The following RAD54L2 variants were observed in gnomAD, a reference collection of about 807,000 sequenced individuals.
RAD54L2 encodes the protein RAD54 like 2, also known as helicase ARIP4.
RAD54L2 carries 27 observed loss-of-function variants against 138.4 expected under a neutral mutation model. The observed-to-expected ratio is 0.20, with a 90% CI of 0.14 to 0.27. The LOEUF is 0.27. RAD54L2 is among the 10% of genes least tolerant of loss of function. The probability of loss-of-function intolerance (pLI) is 1.00; values close to 1 mark genes in which losing one functional copy is unlikely to be tolerated. For missense variants in RAD54L2, 1,396 were observed against 1,890.2 expected, an observed-to-expected ratio of 0.74 and a Z score of 4.85; for synonymous variants, 644 against 723.2, an observed-to-expected ratio of 0.89 and a Z score of 1.76.
At chr3:51,628,171 C>T (rs181968840) in intron 4 of RAD54L2, among the ~76,000 whole-genome samples, 1 of 152,142 alleles carries the variant, frequency 6.6e-6, no homozygotes, top group Non-Finnish European at 1.5e-5. Context: ...AAGCAAGACT[C>T]CTTCTAAGAG....
At position 51,630,283 on chromosome 3, in the gene RAD54L2, T is replaced by C; in HGVS notation, c.493T>C (p.Leu165=). ...TTTGCTTTTCCTAGAGGAAATTGCT[T>C]TAAGGGCAAGTGACGGTCCCCAACT... is the stretch of plus-strand genomic sequence containing the variant. ...PLEFLPEEIA[L]RASDGPQLPP... Residue 165 remains leucine, a synonymous_variant, in exon 6 of 23, where the codon TTA becomes CTA. Transcript: ENST00000684192. 6.2e-7 allele frequency: 1 copy of C among 1,613,932 alleles called. No individual in the cohort carries two copies. Among genetic ancestry groups the C allele is most frequent in the Non-Finnish European group, 8.5e-7 (1 of 1,179,832 alleles).
chr3:51,639,274 G>A (rs1318903489), intron 12 of RAD54L2, 145 bp from the exon 13 acceptor site: 3 of 947,126 alleles, frequency 3.2e-6, no homozygotes, highest in African/African-American at 3.3e-5. Context: ...CCCTTTGGCT[G>A]TGAAGGGCTC....
Position 51,549,538 on chromosome 3 carries a change from CGGGGCGGTGGAGGGA to C in RAD54L2, c.-55+7889_-55+7903del, listed in dbSNP as rs1331826632. ...CCACTTTGGCAGGCCGAGGCCAGGG[CGGGGCGGTGGAGGGA>C]AATCACCTGAGGTCAGGAGTTGGAG... is the stretch of plus-strand genomic sequence containing the variant. On this transcript the variant is annotated intron_variant, in intron 2 of 22. Transcript: ENST00000684192. 1.1e-4 allele frequency among the ~76,000 whole-genome samples: 17 copies of C among 151,352 alleles called. No individual in the cohort carries two copies. The East Asian group carries it at 3.4e-3, about 30-fold the overall frequency.
intron 19 of RAD54L2, among the ~76,000 whole-genome samples, chr3:51,655,629 C>G (rs530000631): frequency 6.5e-4 from 99 of 152,218 alleles, no homozygotes; most frequent in Non-Finnish European, 1.1e-3. Flanking sequence ...CTTATTGCAT[C>G]TTGACAGCTT....
At chr3:51,562,195 C>T (rs1577389694) in intron 2 of RAD54L2, among the ~76,000 whole-genome samples, 1 of 151,804 alleles carries the variant, frequency 6.6e-6, no homozygotes. Context: ...GCCACCACAC[C>T]CAGCTAATTT....
chr3:51,552,822 A>G (rs1273435411), intron 2 of RAD54L2, among the ~76,000 whole-genome samples: 3 of 152,066 alleles, frequency 2.0e-5, no homozygotes, highest in African/African-American at 7.2e-5. Context: ...GGCCTCCCCA[A>G]GTGTTGGGAT....
At chr3:51,566,466 GT>G (rs71084149) in intron 2 of RAD54L2, among the ~76,000 whole-genome samples, 49 of 31,530 alleles carry the variant, frequency 1.6e-3, no homozygotes, top group East Asian at 4.3e-3. Context: ...CCTTTTCTGC[GT>G]TTTTTTTTTT....
intron 3 of RAD54L2, among the ~76,000 whole-genome samples, chr3:51,596,900 C>T (rs974772039): frequency 1.3e-5 from 2 of 152,186 alleles, no homozygotes; most frequent in Non-Finnish European, 2.9e-5. Context: ...TGCAGTGGCT[C>T]ACGCCTATAA....
intron 7 of RAD54L2, among the ~76,000 whole-genome samples, chr3:51,632,202 C>G (rs1417698298): frequency 6.6e-6 from 1 of 152,214 alleles, no homozygotes; most frequent in Non-Finnish European, 1.5e-5. Context: ...ATAGGCACCA[C>G]ATTTTCTTTA....
At chr3:51,641,067 A>T (rs1701121512) in intron 14 of RAD54L2, among the ~76,000 whole-genome samples, 1 of 151,350 alleles carries the variant, frequency 6.6e-6, no homozygotes, top group African/African-American at 2.4e-5. Flanking sequence ...CAGTGGTGTG[A>T]TCTTGGCTCA....
At chr3:51,572,919 T>C (rs984585911) in intron 2 of RAD54L2, among the ~76,000 whole-genome samples, 2 of 152,052 alleles carry the variant, frequency 1.3e-5, no homozygotes, top group Non-Finnish European at 2.9e-5. Context: ...ATTACAGGTA[T>C]GAGCCACTGT....
rs1364931388 is a variant in RAD54L2 at position 51,646,501 on chromosome 3, G to A, written c.3026+20G>A. On this transcript the variant is annotated intron_variant, in intron 19 of 22. Coordinates refer to ENST00000684192, the MANE Select transcript of RAD54L2 (RefSeq NM_015106.4). ...AAACTGGTGAGTTGCTGAAAGGGGA[G>A]GGTCTGCTGCTGGGCCAGGCACAAA... 4 of 1,586,144 alleles carry A rather than the reference G, an allele frequency of 2.5e-6. No individual in the cohort carries two copies. Among genetic ancestry groups the A allele is most frequent in the African/African-American group, 2.7e-5 (2 of 73,920 alleles).
Position 51,639,519 on chromosome 3 carries a change from G to C in RAD54L2, c.1961G>C (p.Ser654Thr), listed in dbSNP as rs774464525. 4 of 1,613,910 alleles carry C rather than the reference G, an allele frequency of 2.5e-6. No individual in the cohort carries two copies. Among genetic ancestry groups the C allele is most frequent in the Non-Finnish European group, 2.5e-6 (3 of 1,179,906 alleles). ...GAAGAACTTGGCTCTGCAGGGACCA[G>C]TGCCCGCTGTCCACCACAGGGAACA... Reference protein sequence around the residue: ...DVEELGSAGTSARCPPQGTKG... With the variant: ...DVEELGSAGTTARCPPQGTKG... Residue 654 changes from serine to threonine, a missense_variant, in exon 13 of 23, where the codon AGT (serine) becomes ACT (threonine). Ser to Thr is a moderately conservative substitution (Grantham distance 58). Around this residue, in one of 7 missense-constraint regions of RAD54L2, gnomAD observed 211 missense variants for 273.8 expected, o/e 0.77. Coordinates refer to ENST00000684192, the MANE Select transcript of RAD54L2 (RefSeq NM_015106.4).
chr3:51,601,466 C>A (rs1014435356), intron 3 of RAD54L2, among the ~76,000 whole-genome samples: 1 of 151,814 alleles, frequency 6.6e-6, no homozygotes, highest in African/African-American at 2.4e-5. Context: ...TGCCACCACG[C>A]CCTGCTAATT....
chr3:51,658,302 G>T (rs1701661472), intron 21 of RAD54L2, among the ~76,000 whole-genome samples: 1 of 152,140 alleles, frequency 6.6e-6, no homozygotes, highest in South Asian at 2.1e-4. Flanking sequence ...TGGAGGGAAA[G>T]AGCGGTGGAA....
At chr3:51,596,519 G>GT (rs1330723418) in intron 3 of RAD54L2, among the ~76,000 whole-genome samples, 1 of 152,038 alleles carries the variant, frequency 6.6e-6, no homozygotes, top group Non-Finnish European at 1.5e-5. Flanking sequence ...AGAGCTTCAT[G>GT]TTTCTTATTC....
Position 51,590,395 on chromosome 3 carries a change from A to G in RAD54L2, c.-26A>G. 2.0e-6 allele frequency: 3 copies of G among 1,503,724 alleles called. No individual in the cohort carries two copies. The highest frequency in any genetic ancestry group is 2.7e-6 in the Non-Finnish European group (3 of 1,121,896). 93.1% of individuals were successfully genotyped at this position (1,503,724 alleles called of 1,614,324 possible). A position where few individuals can be genotyped will look rare whatever the true frequency, so the allele number is the denominator to read the frequency against. ...CCCTGCAGTGGACCATGAGTCGGTA[A>G]TGCCCACTGAGGACCTCTGGGAGCC... On this transcript the variant is annotated 5_prime_UTR_variant, in exon 3 of 23. The change abolishes an upstream ATG in the 5' untranslated region. Transcript: ENST00000684192.
chr3:51,566,849 A>T (rs1323643015), intron 2 of RAD54L2, among the ~76,000 whole-genome samples: 1 of 152,072 alleles, frequency 6.6e-6, no homozygotes, highest in Non-Finnish European at 1.5e-5. Context: ...AATTTCTTGG[A>T]CAGTGTAGGT....
chr3:51,599,745 C>CAA (rs34126564), intron 3 of RAD54L2, among the ~76,000 whole-genome samples: 1 of 130,260 alleles, frequency 7.7e-6, no homozygotes. Context: ...TATTTTTTAC[C>CAA]AAAAAAAAAA....
Sources: gnomAD v4.1 joint callset for allele counts (sites outside exome capture counted in the v4.1 genomes callset) on GRCh38, gnomAD v4.1.1 for gene constraint, gnomAD v4.1.1 regional missense constraint, MANE v1.5 for transcripts, NCBI Gene and HGNC (gene_info 2026-07-23, HGNC 2026-07-21) for gene names.